The following TET3 variants were observed in gnomAD, a reference collection of about 807,000 sequenced individuals.
TET3 encodes the protein tet methylcytosine dioxygenase 3, also known as methylcytosine dioxygenase TET3.
TET3 carries 19 observed loss-of-function variants against 141.4 expected under a neutral mutation model. That is an observed-to-expected ratio of 0.13 (90% CI 0.09 to 0.20). TET3 has a LOEUF of 0.20. Ranked by LOEUF, TET3 falls within the 10% of genes least tolerant of loss-of-function variation. The pLI, the probability that TET3 is intolerant of heterozygous loss-of-function variation, is 1.00. For synonymous variants in TET3, 1,043 were observed against 980.9 expected, an observed-to-expected ratio of 1.06 and a Z score of -1.18; for missense variants, 1,874 against 2,356.9, an observed-to-expected ratio of 0.80 and a Z score of 4.24.
intron 3 of TET3, among the ~76,000 whole-genome samples, chr2:74,015,797 A>G (rs1371156005): frequency 3.3e-5 from 5 of 152,186 alleles, no homozygotes; most frequent in Non-Finnish European, 7.3e-5. Context: ...TAATTTGATA[A>G]TATCTATCAA....
chr2:74,095,039 G>A (rs1270672855), intron 10 of TET3, among the ~76,000 whole-genome samples: 2 of 152,288 alleles, frequency 1.3e-5, no homozygotes, highest in Non-Finnish European at 1.5e-5. Context: ...GGGCTTCCTT[G>A]AAGGGATGAT....
chr2:74,049,460 C>G (rs1687823528), intron 4 of TET3, among the ~76,000 whole-genome samples: 1 of 152,136 alleles, frequency 6.6e-6, no homozygotes, highest in South Asian at 2.1e-4. Context: ...AGCATACTGT[C>G]TCTGGGAAGT....
At position 74,043,116 on chromosome 2, in the gene TET3, G is replaced by A. The variant is rs949678409; in HGVS notation, c.361-3162G>A. Reference sequence around the variant, plus strand: ...TCCCTGACACTGTTTTTGTAAATCTGTGCTACTCTCGGGTGTTTCTTCTTG... The same window carrying A: ...TCCCTGACACTGTTTTTGTAAATCTATGCTACTCTCGGGTGTTTCTTCTTG... On this transcript the variant is annotated intron_variant, in intron 3 of 11. Transcript: ENST00000409262. 2.6e-5 allele frequency among the ~76,000 whole-genome samples: 4 copies of A among 152,160 alleles called. No homozygotes were observed. The South Asian group carries it at 8.3e-4, about 32-fold the overall frequency.
intron 4 of TET3, among the ~76,000 whole-genome samples, chr2:74,066,578 G>A (rs1184599069): frequency 2.1e-5 from 3 of 144,816 alleles, no homozygotes; most frequent in Non-Finnish European, 4.6e-5. Context: ...ACTCAGGAGA[G>A]GAGACATAAG....
chr2:74,061,422 AC>A (rs1204022175), intron 4 of TET3, among the ~76,000 whole-genome samples: 3 of 99,030 alleles, frequency 3.0e-5, no homozygotes, highest in African/African-American at 8.1e-5. Flanking sequence ...CGGGGGGCTG[AC>A]CCCCCCACCT....
chr2:74,010,268 C>T lies in TET3; in HGVS notation c.360+7102C>T, dbSNP rs144761727. 1.2e-3 allele frequency among the ~76,000 whole-genome samples: 188 copies of T among 152,356 alleles called. 1 individual carries two copies. The highest frequency in any genetic ancestry group is 3.5e-3 in the African/African-American group (144 of 41,590). ...CCGGGAAGCCTGGGAAGCTCCTCCC[C>T]GTCACCTTCCAGATGCTGCCGCCTC... On this transcript the variant is annotated intron_variant, in intron 3 of 11. Coordinates refer to ENST00000409262, the MANE Select transcript of TET3 (RefSeq NM_001287491.2).
intron 4 of TET3, among the ~76,000 whole-genome samples, chr2:74,055,257 A>G (rs998934841): frequency 6.6e-6 from 1 of 152,152 alleles, no homozygotes; most frequent in Non-Finnish European, 1.5e-5. Context: ...AGTACCCTTC[A>G]TATTTTTTGG....
At chr2:74,077,826 G>A (rs868580130) in intron 5 of TET3, among the ~76,000 whole-genome samples, 1 of 152,340 alleles carries the variant, frequency 6.6e-6, no homozygotes, top group African/African-American at 2.4e-5. Flanking sequence ...AGAGGAGTGT[G>A]GTCACCTCAG....
intron 3 of TET3, among the ~76,000 whole-genome samples, chr2:74,026,963 G>T (rs1169438803): frequency 2.0e-5 from 3 of 152,232 alleles, no homozygotes; most frequent in Non-Finnish European, 4.4e-5. Context: ...GTCCCCTGCA[G>T]TGACGTGGGA....
chr2:74,085,777 G>A (rs561756720), intron 6 of TET3, among the ~76,000 whole-genome samples: 1 of 152,252 alleles, frequency 6.6e-6, no homozygotes, highest in East Asian at 1.9e-4. Context: ...TCCGCACCCT[G>A]GGGGTCAGAG....
At chr2:74,027,683 C>T (rs376198732) in intron 3 of TET3, among the ~76,000 whole-genome samples, 6 of 152,182 alleles carry the variant, frequency 3.9e-5, no homozygotes, top group Middle Eastern at 6.3e-3. Flanking sequence ...ATGTTGTAGC[C>T]TGTGTCAATA....
chr2:74,122,511 A>ATATATATATTT, the TET3 span: 1 of 47,556 alleles, frequency 2.1e-5, no homozygotes, highest in Non-Finnish European at 3.8e-5. Flanking sequence ...ATATATATAT[A>ATATATATATTT]TTTTTTTTTT....
intron 7 of TET3, among the ~76,000 whole-genome samples, chr2:74,088,287 C>T (rs1690271060): frequency 6.6e-6 from 1 of 152,188 alleles, no homozygotes; most frequent in Non-Finnish European, 1.5e-5. Flanking sequence ...AACACTGGCA[C>T]TAATGATATT....
At chr2:74,030,516 T>G (rs1306079337) in intron 3 of TET3, among the ~76,000 whole-genome samples, 1 of 152,246 alleles carries the variant, frequency 6.6e-6, no homozygotes, top group Non-Finnish European at 1.5e-5. Context: ...AGCTCAAGTT[T>G]CTAGGAATAG....
the TET3 span, among the ~76,000 whole-genome samples, chr2:74,132,995 T>G: frequency 2.6e-5 from 4 of 152,098 alleles, no homozygotes; most frequent in African/African-American, 9.7e-5. Flanking sequence ...CTTCCCAGGT[T>G]CGAGAGATTC....
chr2:74,115,897 A>G, the TET3 span, among the ~76,000 whole-genome samples: 6 of 151,786 alleles, frequency 4.0e-5, no homozygotes, highest in Admixed American at 2.0e-4. Flanking sequence ...TGCCTGTGGT[A>G]TCAGCTACTT....
At position 74,062,256 on chromosome 2, in the gene TET3, C is replaced by CA. The variant is rs1008247366; in HGVS notation, c.2495-11285dup. ...CAACACAGCGAAACCCCGTCTCCAC[C>CA]AAAAAAAATCCATAAAAACATTTTT... On this transcript the variant is annotated intron_variant, in intron 4 of 11. Transcript: ENST00000409262. Among the ~76,000 whole-genome samples, 7 of 151,908 alleles carry CA rather than the reference C, an allele frequency of 4.6e-5. No homozygotes were observed. The South Asian group carries it at 1.2e-3, about 27-fold the overall frequency.
chr2:74,080,330 C>T (rs866269489), intron 5 of TET3, among the ~76,000 whole-genome samples, 168 bp from the exon 6 acceptor site: 7 of 152,344 alleles, frequency 4.6e-5, no homozygotes, highest in Middle Eastern at 6.8e-3. Context: ...GCTGTGTCTC[C>T]AGAGCCTTTA....
chr2:74,102,030 G>T lies in TET3; in HGVS notation c.5242G>T (p.Gly1748Cys). Residue 1748 changes from glycine (G) to cysteine (C), a missense_variant, in exon 12 of 12, where the codon GGC becomes TGC. By Grantham distance (159) the Gly-to-Cys change is radical. Around this residue, in one of 10 missense-constraint regions of TET3, gnomAD observed 113 missense variants for 114.3 expected, o/e 0.99. Transcript: ENST00000409262. ...CTACGGGAAGAAGCGCAAGTGGGGG[G>T]GCACTGTGGTTGCTGAGCCCCAGCA... The part of the protein sequence containing the change: ...KLYGKKRKWG[G>C]TVVAEPQQKE... 6.4e-7 allele frequency: 1 copy of T among 1,560,292 alleles called. No individual in the cohort carries two copies. The highest frequency in any genetic ancestry group is 1.2e-5 in the South Asian group (1 of 84,196).
Sources: gnomAD v4.1 joint callset for allele counts (sites outside exome capture counted in the v4.1 genomes callset) on GRCh38, gnomAD v4.1.1 for gene constraint, gnomAD v4.1.1 regional missense constraint, MANE v1.5 for transcripts, NCBI Gene and HGNC (gene_info 2026-07-23, HGNC 2026-07-21) for gene names.